Variants in CGGBP1 observed in about 807,000 individuals in gnomAD.
The protein encoded by CGGBP1 is CGG triplet repeat-binding protein 1.
In CGGBP1, 4 loss-of-function variants were observed where a neutral mutation model predicts 11.4. That is an observed-to-expected ratio of 0.35 (90% confidence interval 0.17 to 0.80). The LOEUF (loss-of-function observed/expected upper bound fraction) is 0.80, where lower values mean the gene tolerates loss of function less well. CGGBP1 is among the 30% of genes least tolerant of loss of function. The pLI is 0.52. For missense variants in CGGBP1, 135 were observed against 202.1 expected, an observed-to-expected ratio of 0.67 and a Z score of 2.01; for synonymous variants, 76 against 74.1, an observed-to-expected ratio of 1.03 and a Z score of -0.13.
At chr3:88,087,174 G>A (rs1209833715) in intron 2 of CGGBP1, among the ~76,000 whole-genome samples, 2 of 152,062 alleles carry the variant, frequency 1.3e-5, no homozygotes, top group East Asian at 3.9e-4. Flanking sequence ...TACCTCCCAG[G>A]TTCAAGTGAT....
At chr3:88,140,318 A>G (rs1707042945) in intron 2 of CGGBP1, 2 of 1,613,630 alleles carry the variant, frequency 1.2e-6, no homozygotes, top group Admixed American at 1.7e-5. Context: ...CAAGTGAAAC[A>G]ATTCTTTGGG....
At chr3:88,123,949 T>C (rs918916366) in intron 2 of CGGBP1, among the ~76,000 whole-genome samples, 1 of 152,182 alleles carries the variant, frequency 6.6e-6, no homozygotes, top group African/African-American at 2.4e-5. Flanking sequence ...TTTTAACCCA[T>C]GAAGCTGTTC....
chr3:88,129,743 A>G (rs1267033859), intron 2 of CGGBP1: 2 of 1,528,918 alleles, frequency 1.3e-6, no homozygotes, highest in Admixed American at 2.0e-5. Flanking sequence ...ATGCTGAAAA[A>G]GAAGGCAAAA....
At chr3:88,097,490 C>T (rs1183720270) in intron 2 of CGGBP1, among the ~76,000 whole-genome samples, 2 of 152,098 alleles carry the variant, frequency 1.3e-5, no homozygotes, top group African/African-American at 4.8e-5. Flanking sequence ...ACCTAACAGA[C>T]ATCTACTGAA....
rs752125886 is a variant in CGGBP1, at chr3:88,140,248, T to C, written c.-229+722A>G. ...CATGAGCTTTTTGAAGATCTTCCTCTGCTGTATGAACATGAAGCTCAACAC... is the reference window on the plus strand; with the variant it reads ...CATGAGCTTTTTGAAGATCTTCCTCCGCTGTATGAACATGAAGCTCAACAC... On this transcript the variant is annotated intron_variant, in intron 2 of 3. Coordinates refer to the CGGBP1 transcript ENST00000462901. 10 of 1,613,686 alleles carry C rather than the reference T, an allele frequency of 6.2e-6. No homozygotes were observed. In the South Asian group the frequency reaches 1.1e-4, roughly 18 times the overall value.
At chr3:88,074,123 G>T (rs1196368570) in intron 2 of CGGBP1, among the ~76,000 whole-genome samples, 1 of 152,056 alleles carries the variant, frequency 6.6e-6, no homozygotes, top group East Asian at 1.9e-4. Flanking sequence ...AGTTCACAAA[G>T]AAAAATTAAA....
intron 2 of CGGBP1, chr3:88,140,014 T>C (rs200263940): frequency 2.2e-5 from 36 of 1,613,746 alleles, no homozygotes; most frequent in Non-Finnish European, 2.9e-5. Context: ...CAAACAGTAA[T>C]GAAGTGGAGC....
chr3:88,139,818 C>T (rs767863222), intron 2 of CGGBP1: 174 of 1,563,330 alleles, frequency 1.1e-4, no homozygotes, highest in Non-Finnish European at 1.5e-4. Context: ...TGATTATGAC[C>T]TGAATCAAGA....
intron 2 of CGGBP1, among the ~76,000 whole-genome samples, chr3:88,084,415 G>A (rs1708235874): frequency 6.6e-6 from 1 of 152,082 alleles, no homozygotes; most frequent in Non-Finnish European, 1.5e-5. Flanking sequence ...AAGACTTCAG[G>A]GAAGAGAAAA....
intron 2 of CGGBP1, among the ~76,000 whole-genome samples, chr3:88,073,468 TA>T (rs1390683506): frequency 1.3e-5 from 2 of 152,024 alleles, no homozygotes; most frequent in Non-Finnish European, 2.9e-5. Context: ...AAAGTCTACA[TA>T]AAAAAAGTAA....
At chr3:88,099,908 G>A (rs564364032) in intron 2 of CGGBP1, among the ~76,000 whole-genome samples, 1 of 152,138 alleles carries the variant, frequency 6.6e-6, no homozygotes, top group African/African-American at 2.4e-5. Flanking sequence ...GAGGACATAG[G>A]CATGGGCAAG....
intron 2 of CGGBP1, among the ~76,000 whole-genome samples, chr3:88,105,860 A>C (rs1704705822): frequency 6.6e-6 from 1 of 152,194 alleles, no homozygotes; most frequent in Non-Finnish European, 1.5e-5. Flanking sequence ...TAACAGTATT[A>C]AGAGGTGGGA....
intron 2 of CGGBP1, chr3:88,140,861 A>G: frequency 6.2e-7 from 1 of 1,613,678 alleles, no homozygotes; most frequent in Non-Finnish European, 8.5e-7. Context: ...TTAGTATGCC[A>G]AAACGCAGAA....
chr3:88,121,419 G>A (rs56246133), intron 2 of CGGBP1, among the ~76,000 whole-genome samples: 10,252 of 152,048 alleles, frequency 0.067, 478 homozygotes, highest in Non-Finnish European at 0.1. Flanking sequence ...ACTTCCAAAT[G>A]TTCATTTTAA....
intron 2 of CGGBP1, among the ~76,000 whole-genome samples, chr3:88,082,982 AAG>A (rs1365885246): frequency 6.6e-6 from 1 of 151,906 alleles, no homozygotes; most frequent in Non-Finnish European, 1.5e-5. Context: ...TGCATAGAGA[AAG>A]AGAGAGGTCT....
At chr3:88,057,952 A>T (rs966983470) in intron 2 of CGGBP1, 67 bp downstream of exon 2, 2 of 152,254 alleles carry the variant, frequency 1.3e-5, no homozygotes, top group Non-Finnish European at 2.9e-5. Flanking sequence ...CCAACAAAAG[A>T]GAAAAAGCAT....
chr3:88,103,120 CT>C (rs1704530238), intron 2 of CGGBP1, among the ~76,000 whole-genome samples: 2 of 152,068 alleles, frequency 1.3e-5, no homozygotes, highest in South Asian at 4.2e-4. Context: ...GGATAATGGC[CT>C]TATATAATGA....
intron 2 of CGGBP1, chr3:88,129,111 A>T: frequency 1.2e-6 from 1 of 805,810 alleles, no homozygotes; most frequent in Non-Finnish European, 1.9e-6. Flanking sequence ...TTCCTTTTAC[A>T]GTAATGCCAA....
In CGGBP1 at chr3:88,117,647, A is replaced by C. The variant is rs76507169; in HGVS notation, c.-229+23323T>G. ...AGGCATTTTTATTATGGTTATCATG[A>C]AGAATCCATTAATGTCTAATGATTC... On this transcript the variant is annotated intron_variant, in intron 2 of 3. Coordinates refer to the CGGBP1 transcript ENST00000462901. Among the ~76,000 whole-genome samples the C allele has an allele frequency of 7.2e-5, 11 of 152,326 alleles. No homozygotes were observed. The East Asian group carries it at 2.1e-3, about 29-fold the overall frequency.
Sources: allele counts gnomAD v4.1 joint callset (sites outside exome capture counted in the v4.1 genomes callset), GRCh38; gene constraint gnomAD v4.1.1; transcripts MANE v1.5; gene names NCBI Gene and HGNC (gene_info 2026-07-23, HGNC 2026-07-21).